The following TAF1B variants were observed in gnomAD, a reference collection of about 807,000 sequenced individuals.
TAF1B encodes TATA-box binding protein associated factor, RNA polymerase I subunit B.
Under a neutral mutation model 83.9 loss-of-function variants are expected in TAF1B, and 61 were observed. The ratio of observed to expected loss-of-function variants is 0.73; its 90% CI spans 0.59 to 0.90. The LOEUF (loss-of-function observed/expected upper bound fraction) is 0.90. Among genes scored for constraint, TAF1B ranks in the 40% least tolerant of loss-of-function variants. The pLI is 0.00. For missense variants in TAF1B, 625 were observed against 677.0 expected (o/e 0.92, Z 0.85); for synonymous variants, 221 against 224.6 (o/e 0.98, Z 0.14).
intron 11 of TAF1B, among the ~76,000 whole-genome samples, chr2:9,912,712 G>C (rs924858416): frequency 2.0e-5 from 3 of 152,142 alleles, no homozygotes; most frequent in African/African-American, 7.2e-5. Context: ...CCTGCCCCCA[G>C]CATTATTGAT....
At chr2:9,854,144 G>A (rs1663484318) in intron 4 of TAF1B, among the ~76,000 whole-genome samples, 182 bp from the exon 5 acceptor site, 1 of 152,168 alleles carries the variant, frequency 6.6e-6, no homozygotes, top group Admixed American at 6.5e-5. Context: ...TCAATGTTCT[G>A]ATAGATGCTA....
At chr2:9,877,635 CAT>C (rs1321863347) in intron 7 of TAF1B, among the ~76,000 whole-genome samples, 1 of 152,092 alleles carries the variant, frequency 6.6e-6, no homozygotes, top group Non-Finnish European at 1.5e-5. Context: ...CTTACAAAAA[CAT>C]AAACCTAATC....
intron 9 of TAF1B, among the ~76,000 whole-genome samples, chr2:9,905,738 A>G (rs564873000): frequency 7.2e-5 from 11 of 152,320 alleles, no homozygotes; most frequent in African/African-American, 2.4e-4. Context: ...TGTATTGTTA[A>G]TAGGAGAGTA....
Position 9,851,605 on chromosome 2 carries a change from C to G in TAF1B, c.270C>G (p.Ala90=), listed in dbSNP as rs1204992478. Residue 90 remains alanine (A), a synonymous_variant, in exon 4 of 15, where the codon GCC becomes GCG. Coordinates refer to ENST00000263663, the MANE Select transcript of TAF1B (RefSeq NM_005680.3). The part of the protein sequence containing the change: ...FQYILYQQAE[A]LKNLGVGPEL... ...ATATTCTTTATCAACAAGCAGAAGC[C>G]TTAAAGAACCTTGGAGTAGGCCCAG... The G allele has an allele frequency of 6.2e-7, 1 of 1,612,484 alleles. No homozygotes were observed. The highest frequency in any genetic ancestry group is 2.2e-5 in the East Asian group (1 of 44,768).
At chr2:9,907,121 C>G (rs765549051) in intron 9 of TAF1B, among the ~76,000 whole-genome samples, 2 of 151,378 alleles carry the variant, frequency 1.3e-5, no homozygotes, top group Non-Finnish European at 2.9e-5. Context: ...CCTCCAGGCT[C>G]AAGCCATCTT....
At position 9,914,837 on chromosome 2, in the gene TAF1B, A is replaced by G. The variant is rs532172243; in HGVS notation, c.1271+1588A>G. 3.9e-5 allele frequency among the ~76,000 whole-genome samples: 6 copies of G among 152,254 alleles called. No homozygotes were observed. In the East Asian group the frequency reaches 7.7e-4, roughly 20 times the overall value. ...TGAGTCACTGCTGAGTAATATGCGA[A>G]GCACTACCAACTGCTGCTCAGGCCC... On this transcript the variant is annotated intron_variant, in intron 12 of 14. Transcript: ENST00000263663. The surrounding 1 kb of genome is among the most constrained non-coding windows in gnomAD (Gnocchi z 4.3).
chr2:9,919,785 A>T lies in TAF1B; in HGVS notation c.1530A>T (p.Ser510=), dbSNP rs549577709. The change falls in exon 14 of 15, where the codon TCA becomes TCT. Residue 510 remains serine (S), a synonymous_variant. Transcript: ENST00000263663. ...EKGQSLLTKN[S]LYWLSTQKFC... is the part of the protein sequence containing the mutation. The stretch of plus-strand genomic sequence containing the variant: ...GCCAATCACTGCTGACTAAGAATTC[A>T]TTATATTGGCTTAGTACACAGAAAT... 2 of 1,614,182 alleles carry T rather than the reference A, an allele frequency of 1.2e-6. No homozygotes were observed. The highest frequency in any genetic ancestry group is 2.2e-5 in the South Asian group (2 of 91,078).
chr2:9,869,857 G>A (rs970011483), intron 6 of TAF1B, among the ~76,000 whole-genome samples: 3 of 151,668 alleles, frequency 2.0e-5, no homozygotes, highest in African/African-American at 7.3e-5. Context: ...AGGTGACAGA[G>A]CAAGACTCCA....
intron 5 of TAF1B, among the ~76,000 whole-genome samples, chr2:9,868,006 G>A (rs1283636731): frequency 6.6e-5 from 10 of 152,164 alleles, no homozygotes; most frequent in Middle Eastern, 3.2e-3. Context: ...AGATATTAGC[G>A]CTGTAAGAGA....
At chr2:9,915,607 C>T (rs1361101804) in intron 12 of TAF1B, among the ~76,000 whole-genome samples, 1 of 152,032 alleles carries the variant, frequency 6.6e-6, no homozygotes, top group East Asian at 1.9e-4. Context: ...TAGAATGGTT[C>T]AAAACAAAAC....
chr2:9,906,328 C>G (rs761504286), intron 9 of TAF1B, among the ~76,000 whole-genome samples: 2 of 151,994 alleles, frequency 1.3e-5, no homozygotes, highest in Non-Finnish European at 1.5e-5. Context: ...GAAATAAATC[C>G]GTTACAATAT....
At chr2:9,889,048 C>T (rs767677469) in intron 8 of TAF1B, among the ~76,000 whole-genome samples, 9 of 151,642 alleles carry the variant, frequency 5.9e-5, no homozygotes, top group East Asian at 1.9e-4. Context: ...GTGATCCACC[C>T]GCCTCGGCCT....
chr2:9,872,325 T>TAAA (rs34234383), intron 6 of TAF1B, among the ~76,000 whole-genome samples: 10 of 138,110 alleles, frequency 7.2e-5, no homozygotes, highest in African/African-American at 2.7e-4. Context: ...GATTCCATCT[T>TAAA]AAAAAAAAAA....
At chr2:9,879,812 A>G (rs1229926420) in intron 7 of TAF1B, among the ~76,000 whole-genome samples, 1 of 152,230 alleles carries the variant, frequency 6.6e-6, no homozygotes, top group African/African-American at 2.4e-5. Flanking sequence ...CCCTTTAAAA[A>G]TATACAATTC....
At chr2:9,855,728 A>G (rs1330361448) in intron 5 of TAF1B, among the ~76,000 whole-genome samples, 1 of 152,130 alleles carries the variant, frequency 6.6e-6, no homozygotes, top group African/African-American at 2.4e-5. Flanking sequence ...ACCGAACATC[A>G]TAGCTTAGTC....
At chr2:9,867,082 A>G (rs1260379996) in intron 5 of TAF1B, among the ~76,000 whole-genome samples, 1 of 152,244 alleles carries the variant, frequency 6.6e-6, no homozygotes, top group African/African-American at 2.4e-5. Context: ...AACTTAAAGT[A>G]TAATAAAAAA....
intron 14 of TAF1B, among the ~76,000 whole-genome samples, chr2:9,925,282 T>TA (rs991803444): frequency 2.0e-5 from 3 of 151,456 alleles, no homozygotes; most frequent in Non-Finnish European, 4.4e-5. Context: ...TCTACTAAAA[T>TA]ACAAAAAATT....
At chr2:9,921,279 C>T (rs1427603909) in intron 14 of TAF1B, among the ~76,000 whole-genome samples, 1 of 151,950 alleles carries the variant, frequency 6.6e-6, no homozygotes, top group Non-Finnish European at 1.5e-5. Context: ...TTTGCAGAGA[C>T]GAGGGTCTCC....
At chr2:9,911,421 G>A in intron 10 of TAF1B, 90 bp from the exon 11 acceptor site, 1 of 1,029,142 alleles carries the variant, frequency 9.7e-7, no homozygotes, top group South Asian at 1.6e-5. Context: ...TTCAAATACT[G>A]TTCTACACTT....
Sources: gnomAD v4.1 joint callset for allele counts (sites outside exome capture counted in the v4.1 genomes callset) on GRCh38, gnomAD v4.1.1 for gene constraint, Gnocchi (gnomAD v3.1) non-coding constraint, MANE v1.5 for transcripts, NCBI Gene and HGNC (gene_info 2026-07-23, HGNC 2026-07-21) for gene names.